HTR5A: variants seen among roughly 807,000 people sequenced by gnomAD.
The protein encoded by HTR5A is 5-hydroxytryptamine receptor 5A.
Under a neutral mutation model 24.3 loss-of-function variants are expected in HTR5A, and 21 were observed. The ratio of observed to expected loss-of-function variants is 0.86; its 90% CI spans 0.61 to 1.24. HTR5A has a LOEUF of 1.24. Among genes scored for constraint, HTR5A ranks in the 50% most tolerant of loss-of-function variants. The pLI, the probability that HTR5A is intolerant of heterozygous loss-of-function variation, is 0.00. For missense variants in HTR5A, 497 were observed against 489.5 expected, an observed-to-expected ratio of 1.02 and a Z score of -0.15; for synonymous variants, 260 against 213.7, an observed-to-expected ratio of 1.22 and a Z score of -1.89.
intron 1 of HTR5A, among the ~76,000 whole-genome samples, chr7:155,076,441 G>C (rs985088508): frequency 6.6e-6 from 1 of 152,274 alleles, no homozygotes; most frequent in Non-Finnish European, 1.5e-5. Context: ...CATAATTTAA[G>C]CATTGAACAA....
chr7:155,071,451 G>A lies in HTR5A; in HGVS notation c.552G>A (p.Thr184=), dbSNP rs376142972. 1.9e-6 allele frequency: 3 copies of A among 1,614,222 alleles called. No homozygotes were observed. The highest frequency in any genetic ancestry group is 2.5e-6 in the Non-Finnish European group (3 of 1,180,038). The part of the protein sequence containing the change: ...LAPLLFGWGE[T]YSEGSEECQV... ...CGCTGCTTTTTGGCTGGGGAGAGAC[G>A]TACTCTGAGGGCAGCGAGGAGTGCC... The change falls in exon 1 of 2, where the codon ACG becomes ACA. Residue 184 remains threonine (T), a synonymous_variant. Coordinates refer to ENST00000287907, the MANE Select transcript of HTR5A (RefSeq NM_024012.4).
intron 1 of HTR5A, among the ~76,000 whole-genome samples, chr7:155,074,212 T>C (rs1376417573): frequency 2.0e-5 from 3 of 152,124 alleles, no homozygotes; most frequent in Non-Finnish European, 2.9e-5. Flanking sequence ...TTCAAATACA[T>C]GCCATGAAAT....
At chr7:155,075,849 TA>T (rs35219965) in intron 1 of HTR5A, among the ~76,000 whole-genome samples, 9 of 151,424 alleles carry the variant, frequency 5.9e-5, no homozygotes, top group South Asian at 4.2e-4. Context: ...ATGACAACTT[TA>T]AAAAAAAACC....
Position 155,082,092 on chromosome 7 carries a change from G to A in HTR5A, c.742-2063G>A, listed in dbSNP as rs117518001. 6.1e-3 allele frequency among the ~76,000 whole-genome samples: 920 copies of A among 151,282 alleles called. 5 individuals carry two copies. Among genetic ancestry groups the A allele is most frequent in the Middle Eastern group, 0.014 (4 of 286 alleles). On this transcript the variant is annotated intron_variant, in intron 1 of 1. Transcript: ENST00000287907. Reference sequence around the variant, plus strand: ...AGCATCTCCAGTATAATCAGCATCCGTGGTGTCTCCAGTGGGACCAGCATC... The same window carrying A: ...AGCATCTCCAGTATAATCAGCATCCATGGTGTCTCCAGTGGGACCAGCATC...
intron 1 of HTR5A, among the ~76,000 whole-genome samples, chr7:155,081,518 T>C (rs556824185): frequency 1.1e-4 from 17 of 152,254 alleles, no homozygotes; most frequent in Non-Finnish European, 2.2e-4. Flanking sequence ...TTGTGAGCTA[T>C]GTACTTTATG....
intron 1 of HTR5A, among the ~76,000 whole-genome samples, chr7:155,083,690 G>C (rs1795443676): frequency 6.6e-6 from 1 of 152,228 alleles, no homozygotes; most frequent in Non-Finnish European, 1.5e-5. Context: ...AGCAGTAGGA[G>C]CTTTATGCCA....
chr7:155,071,935 C>T (rs1216332026), intron 1 of HTR5A, among the ~76,000 whole-genome samples: 1 of 152,154 alleles, frequency 6.6e-6, no homozygotes, highest in Non-Finnish European at 1.5e-5. Context: ...CCCCCAAATT[C>T]TATGGATCTA....
rs151166595 is a variant in HTR5A at position 155,085,677 on chromosome 7, T to C, written c.*1190T>C. 2 of 152,156 alleles carry C rather than the reference T, an allele frequency of 1.3e-5. No individual in the cohort carries two copies. The highest frequency in any genetic ancestry group is 2.9e-5 in the Non-Finnish European group (2 of 68,016). The allele number at this position is 152,156 out of a possible 1,614,324, so 9.4% of individuals were successfully genotyped here. ...AAACTTAAAAAAAAATCCTAGGCAA[T>C]AAAACTGCCTGTGGTCTGCTATGTC... On this transcript the variant is annotated 3_prime_UTR_variant, in exon 2 of 2. Transcript: ENST00000287907.
At chr7:155,073,330 A>AAAAAAAAC (rs1333618469) in intron 1 of HTR5A, among the ~76,000 whole-genome samples, 1 of 151,300 alleles carries the variant, frequency 6.6e-6, no homozygotes, top group African/African-American at 2.4e-5. Flanking sequence ...CAAGAAAAAA[A>AAAAAAAAC]AAAAAAAGAA....
At chr7:155,077,642 T>G (rs982792260) in intron 1 of HTR5A, among the ~76,000 whole-genome samples, 10 of 152,042 alleles carry the variant, frequency 6.6e-5, no homozygotes, top group African/African-American at 2.2e-4. Flanking sequence ...TTTTGTATTT[T>G]TAGTACAGAC....
chr7:155,079,985 T>C (rs1795398496), intron 1 of HTR5A, among the ~76,000 whole-genome samples: 1 of 152,228 alleles, frequency 6.6e-6, no homozygotes, highest in Non-Finnish European at 1.5e-5. Flanking sequence ...GTCACTGGCC[T>C]AATAATGGTC....
rs757241496 is a variant in HTR5A, at chr7:155,084,144, G to A, written c.742-11G>A. On this transcript the variant is annotated splice_polypyrimidine_tract_variant and intron_variant, in intron 1 of 1. Coordinates refer to ENST00000287907, the MANE Select transcript of HTR5A (RefSeq NM_024012.4). ...GTGGCTCCTCATAAAGCTCCTGCTT[G>A]TCTTTTACAGGTGAAGGACTCTGCC... is the stretch of plus-strand genomic sequence containing the variant. 1 of 1,579,286 alleles carries A rather than the reference G, an allele frequency of 6.3e-7. No homozygotes were observed. The highest frequency in any genetic ancestry group is 8.6e-7 in the Non-Finnish European group (1 of 1,162,368).
In HTR5A at chr7:155,085,784, T is replaced by C. The variant is rs1006610668; in HGVS notation, c.*1297T>C. On this transcript the variant is annotated 3_prime_UTR_variant, in exon 2 of 2. Transcript: ENST00000287907. ...AATTCATGTAGTATATTGTATATAA[T>C]AAATTATATCAATTAAGAGTTCAAA... 1.3e-5 allele frequency: 2 copies of C among 152,248 alleles called. No individual in the cohort carries two copies. Among genetic ancestry groups the C allele is most frequent in the African/African-American group, 4.8e-5 (2 of 41,462 alleles). 9.4% of individuals were successfully genotyped at this position (152,248 alleles called of 1,614,324 possible).
At chr7:155,082,141 C>T (rs78938692) in intron 1 of HTR5A, among the ~76,000 whole-genome samples, 2,028 of 143,146 alleles carry the variant, frequency 0.014, 40 homozygotes, top group African/African-American at 0.05. Context: ...GCATCTCCAG[C>T]GTGACCAGCA....
At position 155,070,473 on chromosome 7, in the gene HTR5A, G is replaced by A; in HGVS notation, c.-427G>A. 2.5e-6 allele frequency: 1 copy of A among 408,122 alleles called. No homozygotes were observed. Among genetic ancestry groups the A allele is most frequent in the Non-Finnish European group, 4.9e-6 (1 of 205,646 alleles). The allele number at this position is 408,122 out of a possible 1,614,324, so 25.3% of individuals were successfully genotyped here. A position where few individuals can be genotyped will look rare whatever the true frequency, so the allele number is the denominator to read the frequency against. ...GGCTGCCTAGAGAGAAGGGTGGGCAGGGAGACAACGCGGTGAGAGCGACTG... is the reference window on the plus strand; with the variant it reads ...GGCTGCCTAGAGAGAAGGGTGGGCAAGGAGACAACGCGGTGAGAGCGACTG... On this transcript the variant is annotated 5_prime_UTR_variant, in exon 1 of 2. Transcript: ENST00000287907.
At position 155,070,691 on chromosome 7, in the gene HTR5A, G is replaced by A. The variant is rs1480303832; in HGVS notation, c.-209G>A. Reference sequence around the variant, plus strand: ...CGCCTCTGCTTCCTTAGCCTCTGAGGGCTTCAGACCTGCCGCGCTTGCAGC... The same window carrying A: ...CGCCTCTGCTTCCTTAGCCTCTGAGAGCTTCAGACCTGCCGCGCTTGCAGC... On this transcript the variant is annotated 5_prime_UTR_variant, in exon 1 of 2. Coordinates refer to ENST00000287907, the MANE Select transcript of HTR5A (RefSeq NM_024012.4). The A allele has an allele frequency of 2.8e-5, 17 of 599,856 alleles. No homozygotes were observed. Among genetic ancestry groups the A allele is most frequent in the Middle Eastern group, 3.3e-4 (1 of 3,042 alleles). The allele number at this position is 599,856 out of a possible 1,614,324, so 37.2% of individuals were successfully genotyped here. A position where few individuals can be genotyped will look rare whatever the true frequency, so the allele number is the denominator to read the frequency against.
Position 155,086,043 on chromosome 7 carries a change from G to C in HTR5A, c.*1556G>C, listed in dbSNP as rs1270358388. Among the ~76,000 whole-genome samples the C allele has an allele frequency of 6.6e-6, 1 of 152,166 alleles. No individual in the cohort carries two copies. The highest frequency in any genetic ancestry group is 1.5e-5 in the Non-Finnish European group (1 of 68,022). On this transcript the variant is annotated 3_prime_UTR_variant, in exon 2 of 2. Transcript: ENST00000287907. ...AGAAACGTCCTTAGATTTTTCATCT[G>C]TATATATCACTTGAAGTGCTAAACC... is the stretch of plus-strand genomic sequence containing the variant.
At chr7:155,076,991 G>T (rs954537486) in intron 1 of HTR5A, 2 of 152,058 alleles carry the variant, frequency 1.3e-5, no homozygotes, top group Non-Finnish European at 2.9e-5. Context: ...TTTCATATTC[G>T]CATGAAAAGG....
chr7:155,073,059 G>T (rs2698495), intron 1 of HTR5A, among the ~76,000 whole-genome samples: 101,848 of 151,864 alleles, frequency 0.67, 34,362 homozygotes, highest in East Asian at 0.78. Flanking sequence ...GGTGGCTCAC[G>T]CCTGTAATCC....
Sources: allele counts gnomAD v4.1 joint callset (sites outside exome capture counted in the v4.1 genomes callset), GRCh38; gene constraint gnomAD v4.1.1; transcripts MANE v1.5; gene names NCBI Gene and HGNC (gene_info 2026-07-23, HGNC 2026-07-21).